Variants in ARHGEF1 observed in about 807,000 individuals in gnomAD.
ARHGEF1 encodes the protein 115 kDa guanine nucleotide exchange factor.
In ARHGEF1, 40 loss-of-function variants were observed where a neutral mutation model predicts 119.7. The ratio of observed to expected loss-of-function variants is 0.33; its 90% CI spans 0.26 to 0.44. ARHGEF1 has a LOEUF of 0.44. Ranked by LOEUF, ARHGEF1 falls within the 20% of genes least tolerant of loss-of-function variation. The pLI is 1.00. For missense variants in ARHGEF1, 976 were observed against 1,268.3 expected (o/e 0.77, Z 3.50); for synonymous variants, 494 against 521.0 (o/e 0.95, Z 0.71).
intron 13 of ARHGEF1, chr19:41,897,215 C>T (rs1294133673): frequency 4.1e-5 from 49 of 1,201,218 alleles, no homozygotes; most frequent in Non-Finnish European, 5.0e-5. Context: ...GCCTCCTGCC[C>T]GTCCTTGTGC....
Position 41,895,741 on chromosome 19 carries a change from C to T in ARHGEF1, c.1015+255C>T, listed in dbSNP as rs147507343. ...CTGCGTCTCCCACCCCCTTGGACTA[C>T]GTTTTCCATCAACCCTTCCTTTTCC... On this transcript the variant is annotated intron_variant, in intron 12 of 28. Transcript: ENST00000354532. Among the ~76,000 whole-genome samples, 1,393 of 152,246 alleles carry T rather than the reference C, an allele frequency of 9.1e-3. 11 individuals carry two copies. The highest frequency in any genetic ancestry group is 0.015 in the Admixed American group (233 of 15,294).
rs1037172360 is a variant in ARHGEF1 at position 41,917,410 on chromosome 19, C to A, written c.1866-5682C>A. ...TTGTTTTGATTTCTCTAAGCTGCGC[C>A]GGCCGCCTCGGGAGCCGCCTCGGGC... is the stretch of plus-strand genomic sequence containing the variant. On this transcript the variant is annotated intron_variant, in intron 18 of 20. Coordinates refer to the ARHGEF1 transcript ENST00000599589. This position sits in a 1 kb window ranked among gnomAD's most constrained non-coding sequence, Gnocchi z 4.8. Among the ~76,000 whole-genome samples the A allele has an allele frequency of 6.6e-6, 1 of 152,068 alleles. No homozygotes were observed. Among genetic ancestry groups the A allele is most frequent in the Non-Finnish European group, 1.5e-5 (1 of 67,998 alleles).
chr19:41,888,508 G>A lies in ARHGEF1; in HGVS notation c.111+230G>A, dbSNP rs1242226277. On this transcript the variant is annotated intron_variant, in intron 3 of 28. Transcript: ENST00000354532. This position sits in a 1 kb window ranked among gnomAD's most constrained non-coding sequence, Gnocchi z 5.1. Reference sequence around the variant, plus strand: ...CGTTGCTCTCTCCTCCCCCAGCATGGACCCCAATTTCTTCTCTCCTAATTT... The same window carrying A: ...CGTTGCTCTCTCCTCCCCCAGCATGAACCCCAATTTCTTCTCTCCTAATTT... Among the ~76,000 whole-genome samples the A allele has an allele frequency of 1.3e-5, 2 of 151,890 alleles. No individual in the cohort carries two copies. The highest frequency in any genetic ancestry group is 4.8e-5 in the African/African-American group (2 of 41,314).
intron 12 of ARHGEF1, among the ~76,000 whole-genome samples, chr19:41,895,918 G>A (rs2123448500): frequency 6.6e-6 from 1 of 152,270 alleles, no homozygotes; most frequent in Admixed American, 6.5e-5. Context: ...GCCAGGCCAG[G>A]GCTCACACAC....
At chr19:41,886,519 G>T (rs1444952888) in intron 1 of ARHGEF1, among the ~76,000 whole-genome samples, 1 of 152,144 alleles carries the variant, frequency 6.6e-6, no homozygotes, top group Non-Finnish European at 1.5e-5. Flanking sequence ...GAGCTCAAGC[G>T]ATCTTCCCAC....
At chr19:41,900,026 G>T (rs1599654439) in intron 14 of ARHGEF1, among the ~76,000 whole-genome samples, 1 of 152,160 alleles carries the variant, frequency 6.6e-6, no homozygotes, top group Middle Eastern at 3.4e-3. Flanking sequence ...GGCCACCTAT[G>T]GCTGGTGAGC....
chr19:41,920,236 C>T (rs1023626498), upstream of ARHGEF1, among the ~76,000 whole-genome samples: 3 of 116,824 alleles, frequency 2.6e-5, no homozygotes, highest in Non-Finnish European at 3.4e-5. Context: ...TCAGACGTGA[C>T]GTGCTCAGAC....
Position 41,917,118 on chromosome 19 carries a change from G to T in ARHGEF1, c.1866-5974G>T, listed in dbSNP as rs2074806211. Among the ~76,000 whole-genome samples the T allele has an allele frequency of 6.6e-6, 1 of 152,150 alleles. No homozygotes were observed. The highest frequency in any genetic ancestry group is 1.5e-5 in the Non-Finnish European group (1 of 68,022). The stretch of plus-strand genomic sequence containing the variant: ...TCGGTCTCTCTCAGCCCCTTCGGGT[G>T]TCGGCGCATCTTTCTGTCTGTCTCT... On this transcript the variant is annotated intron_variant, in intron 18 of 20. Transcript: ENST00000599589. This position sits in a 1 kb window ranked among gnomAD's most constrained non-coding sequence, Gnocchi z 4.8.
intron 12 of ARHGEF1, among the ~76,000 whole-genome samples, chr19:41,896,164 G>A (rs1555847494): frequency 6.6e-6 from 1 of 152,084 alleles, no homozygotes; most frequent in Non-Finnish European, 1.5e-5. Context: ...ACACACAGGG[G>A]CACCCACTTC....
rs781863424 is a variant in ARHGEF1 at position 41,906,031 on chromosome 19, C to A, written c.2491+6C>A. 1.9e-6 allele frequency: 3 copies of A among 1,613,380 alleles called. No homozygotes were observed. The highest frequency in any genetic ancestry group is 2.5e-6 in the Non-Finnish European group (3 of 1,179,664). ...TGCCACGGCCCTTCGGAAAGGTAGC[C>A]CAGCTCTGCCCCTCCAGGGTGGCCA... On this transcript the variant is annotated splice_donor_region_variant and intron_variant, in intron 26 of 28. Transcript: ENST00000354532. The surrounding 1 kb of genome is among the most constrained non-coding windows in gnomAD (Gnocchi z 4.5).
Position 41,903,329 on chromosome 19 carries a change from A to G in ARHGEF1, c.1761A>G (p.Lys587=), listed in dbSNP as rs1333265277. Residue 587 remains lysine, a synonymous_variant, in exon 19 of 29, where the codon AAA becomes AAG. Coordinates refer to ENST00000354532, the MANE Select transcript of ARHGEF1 (RefSeq NM_004706.4). This position sits in a 1 kb window ranked among gnomAD's most constrained non-coding sequence, Gnocchi z 4.2. The stretch of plus-strand genomic sequence containing the variant: ...CAGAAGAGCCCACAGAACGGGAGAA[A>G]GTGGAGCTGGCAGCCGAGTGCTGCC... ...QNTEEPTERE[K]VELAAECCRE... 1 of 1,613,796 alleles carries G rather than the reference A, an allele frequency of 6.2e-7. No homozygotes were observed. The highest frequency in any genetic ancestry group is 2.2e-5 in the East Asian group (1 of 44,890).
chr19:41,895,257 G>A (rs2074463241), intron 11 of ARHGEF1, 92 bp from the exon 12 acceptor site: 1 of 1,471,872 alleles, frequency 6.8e-7, no homozygotes, highest in Non-Finnish European at 9.2e-7. Flanking sequence ...TGGTGGGGAA[G>A]GGCCTGAGCA....
At chr19:41,900,338 C>T (rs1484822742) in intron 14 of ARHGEF1, among the ~76,000 whole-genome samples, 1 of 151,712 alleles carries the variant, frequency 6.6e-6, no homozygotes, top group Non-Finnish European at 1.5e-5. Flanking sequence ...AAGACTGTGT[C>T]TCAAAAAAAA....
chr19:41,895,632 C>T, intron 12 of ARHGEF1, 146 bp downstream of exon 12: 1 of 889,890 alleles, frequency 1.1e-6, no homozygotes. Context: ...TGCTCCTGGT[C>T]ACCACTGTCA....
intron 1 of ARHGEF1, among the ~76,000 whole-genome samples, chr19:41,926,734 G>A (rs906025501): frequency 4.6e-5 from 7 of 152,154 alleles, no homozygotes; most frequent in South Asian, 2.1e-4. Context: ...CGGGCGGGGG[G>A]GCCGTTTAGC....
chr19:41,896,385 G>GC lies in ARHGEF1; in HGVS notation c.1030dup (p.Leu344ProfsTer37). On this transcript the variant is annotated frameshift_variant, in exon 13 of 29. Transcript: ENST00000354532. LOFTEE classifies it high-confidence loss of function. Reference sequence around the variant, plus strand: ...CTCCCTCCACCCCACAGGTGCTGACGCCCCCCTGGAGCTGGGGGACTCATC... The same window carrying GC: ...CTCCCTCCACCCCACAGGTGCTGACGCCCCCCCTGGAGCTGGGGGACTCATC... The GC allele has an allele frequency of 2.1e-6, 3 of 1,428,220 alleles. No homozygotes were observed. The highest frequency in any genetic ancestry group is 1.6e-5 in the South Asian group (1 of 60,644). 88.5% of individuals were successfully genotyped at this position (1,428,220 alleles called of 1,614,324 possible). A position where few individuals can be genotyped will look rare whatever the true frequency, so the allele number is the denominator to read the frequency against.
At chr19:41,897,128 GCC>G in intron 13 of ARHGEF1, 1 of 349,196 alleles carries the variant, frequency 2.9e-6, no homozygotes, top group Non-Finnish European at 5.4e-6. Context: ...GCCTCCTGGT[GCC>G]CGTCCCTCAA....
At chr19:41,885,094 C>A (rs78432818) in intron 1 of ARHGEF1, among the ~76,000 whole-genome samples, 4 of 151,792 alleles carry the variant, frequency 2.6e-5, no homozygotes, top group African/African-American at 9.7e-5. Context: ...AACCCCCCAG[C>A]GCCCCATGCA....
intron 12 of ARHGEF1, among the ~76,000 whole-genome samples, chr19:41,895,720 G>A (rs781991428): frequency 5.9e-5 from 9 of 151,982 alleles, no homozygotes; most frequent in Admixed American, 1.3e-4. Flanking sequence ...CTGGTGCTGC[G>A]TCTCCCACCC....
Sources: gnomAD v4.1 joint callset for allele counts (sites outside exome capture counted in the v4.1 genomes callset) on GRCh38, gnomAD v4.1.1 for gene constraint, Gnocchi (gnomAD v3.1) non-coding constraint, MANE v1.5 for transcripts, NCBI Gene and HGNC (gene_info 2026-07-23, HGNC 2026-07-21) for gene names.